Variants in FRMPD4 observed in about 807,000 individuals in gnomAD.
FRMPD4 encodes FERM and PDZ domain-containing protein 4.
Under a neutral mutation model 94.1 loss-of-function variants are expected in FRMPD4, and 22 were observed. That is an observed-to-expected ratio of 0.23 (90% CI 0.17 to 0.33). FRMPD4 has a LOEUF of 0.33. FRMPD4 is among the 10% of genes least tolerant of loss of function. FRMPD4 has a pLI of 1.00. For missense variants in FRMPD4, 1,111 were observed against 1,339.9 expected (o/e 0.83, Z 2.67); for synonymous variants, 631 against 548.6 (o/e 1.15, Z -2.10).
intron 3 of FRMPD4, among the ~76,000 whole-genome samples, chrX:11,984,469 G>A (rs761828846): frequency 1.2e-4 from 14 of 112,285 alleles, no homozygotes; most frequent in Admixed American, 1.1e-3. Context: ...GATTCCACTT[G>A]TTTAAAATTT....
intron 1 of FRMPD4, among the ~76,000 whole-genome samples, chrX:12,191,875 T>C (rs1601680334): frequency 9.0e-6 from 1 of 111,587 alleles, no homozygotes; most frequent in Non-Finnish European, 1.9e-5. Flanking sequence ...GTGAACCCTT[T>C]GGGTGATAAT....
chrX:11,950,181 A>G (rs1006542906), intron 3 of FRMPD4, among the ~76,000 whole-genome samples: 1 of 111,529 alleles, frequency 9.0e-6, no homozygotes, highest in Non-Finnish European at 1.9e-5. Context: ...ATTTTCCCTG[A>G]TTGCACTCAC....
intron 1 of FRMPD4, among the ~76,000 whole-genome samples, chrX:12,256,667 T>C (rs1385674817): frequency 1.8e-5 from 2 of 112,115 alleles, no homozygotes; most frequent in African/African-American, 3.2e-5. Context: ...TTCCCAGCCT[T>C]TTCAAGTCAT....
At chrX:12,358,023 A>G (rs762029750) in intron 1 of FRMPD4, among the ~76,000 whole-genome samples, 1 of 111,954 alleles carries the variant, frequency 8.9e-6, no homozygotes, top group Non-Finnish European at 1.9e-5. Context: ...TTCATTTAGC[A>G]TAATGTTTTC....
rs184558973 is a variant in FRMPD4, at chrX:11,881,233, C to G, written c.95+3215C>G. Among the ~76,000 whole-genome samples, 4 of 111,919 alleles carry G rather than the reference C, an allele frequency of 3.6e-5. No homozygotes were observed. The East Asian group carries it at 1.1e-3, about 31-fold the overall frequency. Reference sequence around the variant, plus strand: ...CAAAATAGTACAGTCACTTTGGAGACAGTTTGGCAGTTTCTCATAAAGCTA... The same window carrying G: ...CAAAATAGTACAGTCACTTTGGAGAGAGTTTGGCAGTTTCTCATAAAGCTA... On this transcript the variant is annotated intron_variant, in intron 3 of 18. Transcript: ENST00000640291.
intron 1 of FRMPD4, among the ~76,000 whole-genome samples, chrX:12,293,778 G>A (rs576050132): frequency 8.9e-6 from 1 of 112,260 alleles, no homozygotes; most frequent in East Asian, 2.8e-4. Flanking sequence ...TACAAAACAC[G>A]GGGATTGTTT....
At chrX:11,872,005 GA>G (rs1427656341) in intron 2 of FRMPD4, among the ~76,000 whole-genome samples, 1 of 111,927 alleles carries the variant, frequency 8.9e-6, no homozygotes, top group Non-Finnish European at 1.9e-5. Context: ...AGTAAACATT[GA>G]ATGAATGATA....
chrX:11,824,813 G>A (rs888067150), intron 1 of FRMPD4, among the ~76,000 whole-genome samples: 1 of 111,052 alleles, frequency 9.0e-6, no homozygotes, highest in Non-Finnish European at 1.9e-5. Flanking sequence ...AGAGATCAGG[G>A]CTGAGCCACA....
chrX:11,876,799 C>T (rs2053788090), intron 2 of FRMPD4, among the ~76,000 whole-genome samples: 1 of 112,635 alleles, frequency 8.9e-6, no homozygotes, highest in South Asian at 3.7e-4. Flanking sequence ...ATAAATGATA[C>T]TCCTCCTGTC....
intron 1 of FRMPD4, among the ~76,000 whole-genome samples, chrX:12,201,411 G>A (rs1033459436): frequency 8.9e-6 from 1 of 111,867 alleles, no homozygotes; most frequent in Non-Finnish European, 1.9e-5. Context: ...AGGGTATTGT[G>A]ATTACTAGGG....
At chrX:11,959,003 C>T (rs775180251) in intron 3 of FRMPD4, among the ~76,000 whole-genome samples, 26 of 111,830 alleles carry the variant, frequency 2.3e-4, no homozygotes, top group Non-Finnish European at 4.5e-4. Context: ...CAAAAAAAAC[C>T]CTACCAAAAC....
chrX:12,054,948 AATT>A (rs956115762), intron 3 of FRMPD4: 1 of 111,876 alleles, frequency 8.9e-6, no homozygotes, highest in Non-Finnish European at 1.9e-5. Context: ...GATATAAAAA[AATT>A]ATTATAGAAG....
At chrX:12,185,635 GA>G (rs55716230) in intron 1 of FRMPD4, among the ~76,000 whole-genome samples, 21,767 of 110,242 alleles carry the variant, frequency 0.2, 1,969 homozygotes, top group East Asian at 0.61. Flanking sequence ...ACCTCAAAGG[GA>G]AAAAACTGTT....
chrX:12,631,974 G>T (rs922505315), intron 4 of FRMPD4, among the ~76,000 whole-genome samples: 5 of 112,098 alleles, frequency 4.5e-5, no homozygotes, highest in Non-Finnish European at 7.5e-5. Flanking sequence ...CCACATTTAT[G>T]CCCACCAACC....
intron 1 of FRMPD4, among the ~76,000 whole-genome samples, chrX:12,183,588 C>T (rs1476502): frequency 9.0e-6 from 1 of 111,070 alleles, no homozygotes; most frequent in Non-Finnish European, 1.9e-5. Context: ...CTAATAATTA[C>T]ACCAAAGAAT....
chrX:12,343,252 C>T (rs1471672242), intron 1 of FRMPD4, among the ~76,000 whole-genome samples: 1 of 112,025 alleles, frequency 8.9e-6, no homozygotes. Context: ...CTGTCCATTA[C>T]TGGTTACTGA....
chrX:12,316,968 A>C (rs1016371368), intron 1 of FRMPD4, among the ~76,000 whole-genome samples: 1 of 112,029 alleles, frequency 8.9e-6, no homozygotes, highest in African/African-American at 3.2e-5. Flanking sequence ...AAAATCGTTA[A>C]AATTTATATC....
intron 1 of FRMPD4, among the ~76,000 whole-genome samples, chrX:12,304,817 T>G (rs2054912681): frequency 8.9e-6 from 1 of 112,261 alleles, no homozygotes; most frequent in Non-Finnish European, 1.9e-5. Flanking sequence ...GATGCATGTC[T>G]TATGAAATGA....
At chrX:12,471,867 G>A (rs2057517715) in intron 1 of FRMPD4, among the ~76,000 whole-genome samples, 1 of 111,968 alleles carries the variant, frequency 8.9e-6, no homozygotes, top group Admixed American at 9.5e-5. Flanking sequence ...ACCAAGTGAA[G>A]GGGTCAGAAA....
Sources: allele counts gnomAD v4.1 joint callset (sites outside exome capture counted in the v4.1 genomes callset), GRCh38; gene constraint gnomAD v4.1.1; transcripts MANE v1.5; gene names NCBI Gene and HGNC (gene_info 2026-07-23, HGNC 2026-07-21).